FSTL4: variants seen among roughly 807,000 people sequenced by gnomAD.
FSTL4 encodes the protein follistatin-related protein 4.
A neutral mutation model predicts 78.2 loss-of-function variants in FSTL4; 28 were observed. The ratio of observed to expected loss-of-function variants is 0.36; its 90% confidence interval spans 0.27 to 0.49. The LOEUF (loss-of-function observed/expected upper bound fraction) is 0.49. FSTL4 is among the 20% of genes least tolerant of loss of function. FSTL4 has a pLI of 0.98. For missense variants in FSTL4, 922 were observed against 1,084.9 expected (o/e 0.85, Z 2.11); for synonymous variants, 422 against 440.5 (o/e 0.96, Z 0.53).
chr5:133,487,441 C>A (rs1758160139), intron 3 of FSTL4, among the ~76,000 whole-genome samples: 1 of 152,212 alleles, frequency 6.6e-6, no homozygotes, highest in Non-Finnish European at 1.5e-5. Flanking sequence ...AAAGTCCCTG[C>A]ATGTGCAATG....
chr5:133,639,151 A>G, the FSTL4 span, among the ~76,000 whole-genome samples: 3 of 151,970 alleles, frequency 2.0e-5, no homozygotes, highest in Admixed American at 1.3e-4. Context: ...GACAGGCCCC[A>G]GTGTGTGTTG....
intron 4 of FSTL4, among the ~76,000 whole-genome samples, chr5:133,397,422 C>A (rs978835641): frequency 4.6e-5 from 7 of 152,210 alleles, no homozygotes; most frequent in Admixed American, 3.3e-4. Context: ...GCTGTAAACT[C>A]TAGCTGCAGC....
chr5:133,484,843 G>C (rs1390479362), intron 3 of FSTL4, among the ~76,000 whole-genome samples: 1 of 152,160 alleles, frequency 6.6e-6, no homozygotes, highest in Non-Finnish European at 1.5e-5. Context: ...ACTTTGCATA[G>C]GTGTCATAGA....
chr5:133,277,198 C>T (rs1050699934), intron 6 of FSTL4, among the ~76,000 whole-genome samples: 6 of 152,096 alleles, frequency 3.9e-5, no homozygotes, highest in Non-Finnish European at 7.4e-5. Flanking sequence ...CCCCTGTAAT[C>T]CCAGCTACTT....
the FSTL4 span, among the ~76,000 whole-genome samples, chr5:133,620,075 G>T: frequency 6.6e-6 from 1 of 152,174 alleles, no homozygotes. Flanking sequence ...GCTAAAAAAT[G>T]ATGTCATATC....
At chr5:133,217,463 C>G in intron 12 of FSTL4, 85 bp from the exon 13 acceptor site, 1 of 1,259,218 alleles carries the variant, frequency 7.9e-7, no homozygotes, top group Non-Finnish European at 1.1e-6. Flanking sequence ...TGACCCTCCT[C>G]TGTGCCTTTC....
rs1399331258 is a variant in FSTL4, at chr5:133,225,293, A to G, written c.1178-9T>C. 12 of 1,614,190 alleles carry G rather than the reference A, an allele frequency of 7.4e-6. No homozygotes were observed. The highest frequency in any genetic ancestry group is 1.0e-5 in the Non-Finnish European group (12 of 1,180,044). ...GAGTTCGCTCCCATTGGCTGCAGACAGGACAGTGCTCAGGGTGGACTGCTC... is the reference window on the plus strand; with the variant it reads ...GAGTTCGCTCCCATTGGCTGCAGACGGGACAGTGCTCAGGGTGGACTGCTC... On this transcript the variant is annotated splice_polypyrimidine_tract_variant and intron_variant, in intron 9 of 15. Transcript: ENST00000265342. The surrounding 1 kb of genome is among the most constrained non-coding windows in gnomAD (Gnocchi z 4.6).
At chr5:133,608,774 T>G (rs1229602081) in intron 1 of FSTL4, among the ~76,000 whole-genome samples, 2 of 152,228 alleles carry the variant, frequency 1.3e-5, no homozygotes, top group Non-Finnish European at 2.9e-5. Flanking sequence ...TTCCAAATAC[T>G]GACTTGCTTT....
chr5:133,271,983 G>C (rs890668687), intron 6 of FSTL4, among the ~76,000 whole-genome samples: 1 of 152,138 alleles, frequency 6.6e-6, no homozygotes, highest in Non-Finnish European at 1.5e-5. Context: ...CTTTGACCGG[G>C]GGGCTTTGGA....
intron 3 of FSTL4, among the ~76,000 whole-genome samples, chr5:133,526,949 C>A (rs1373256147): frequency 6.6e-6 from 1 of 152,078 alleles, no homozygotes; most frequent in Non-Finnish European, 1.5e-5. Context: ...TTTTTCCTAC[C>A]CAACAGAGCG....
At chr5:133,736,154 C>T in the FSTL4 span, among the ~76,000 whole-genome samples, 4 of 152,142 alleles carry the variant, frequency 2.6e-5, no homozygotes, top group Non-Finnish European at 4.4e-5. Flanking sequence ...AGGCCTTGGC[C>T]TACGGTAAAA....
chr5:133,274,380 C>CTTTTTTTTT (rs59634629), intron 6 of FSTL4, among the ~76,000 whole-genome samples: 2,056 of 70,966 alleles, frequency 0.029, 397 homozygotes, highest in African/African-American at 0.098. Flanking sequence ...GCAATCTGTG[C>CTTTTTTTTT]TTTTTTTTTT....
chr5:133,355,620 C>T (rs1754924055), intron 4 of FSTL4, among the ~76,000 whole-genome samples: 1 of 152,178 alleles, frequency 6.6e-6, no homozygotes, highest in South Asian at 2.1e-4. Context: ...CGTGCCACTG[C>T]ACTCCAGCCT....
chr5:133,740,499 T>C, the FSTL4 span, among the ~76,000 whole-genome samples: 4 of 152,314 alleles, frequency 2.6e-5, no homozygotes, highest in African/African-American at 9.6e-5. Flanking sequence ...GTTGACCTGC[T>C]GATTGAAATA....
At chr5:133,692,032 G>C in the FSTL4 span, among the ~76,000 whole-genome samples, 5 of 152,230 alleles carry the variant, frequency 3.3e-5, no homozygotes, top group African/African-American at 9.6e-5. Flanking sequence ...TACTGATCAA[G>C]CATCTATAGT....
chr5:133,788,837 T>A, the FSTL4 span, among the ~76,000 whole-genome samples: 131 of 152,266 alleles, frequency 8.6e-4, no homozygotes, highest in African/African-American at 3.0e-3. Context: ...AAGCTACCTA[T>A]AATGGACAGA....
chr5:133,350,676 T>C (rs990568540), intron 4 of FSTL4, among the ~76,000 whole-genome samples: 10 of 152,238 alleles, frequency 6.6e-5, no homozygotes, highest in African/African-American at 2.4e-4. Flanking sequence ...GATCCAGAGC[T>C]GGCATAGTGT....
the FSTL4 span, among the ~76,000 whole-genome samples, chr5:133,747,565 A>T: frequency 6.6e-6 from 1 of 152,216 alleles, no homozygotes; most frequent in Non-Finnish European, 1.5e-5. Context: ...TGAATCCAAC[A>T]TGAGGCTCCC....
chr5:133,820,212 C>T, the FSTL4 span, among the ~76,000 whole-genome samples: 17 of 152,304 alleles, frequency 1.1e-4, no homozygotes, highest in African/African-American at 3.9e-4. Context: ...TTCCCCGGGC[C>T]GGCTGGGAGG....
Sources: gnomAD v4.1 joint callset for allele counts (sites outside exome capture counted in the v4.1 genomes callset) on GRCh38, gnomAD v4.1.1 for gene constraint, Gnocchi (gnomAD v3.1) non-coding constraint, MANE v1.5 for transcripts, NCBI Gene and HGNC (gene_info 2026-07-23, HGNC 2026-07-21) for gene names.